The following BMAL1 variants were observed in gnomAD, a reference collection of about 807,000 sequenced individuals.
BMAL1 encodes basic helix-loop-helix ARNT-like protein 1.
the BMAL1 span, among the ~76,000 whole-genome samples, chr11:13,355,629 ACTGT>A: frequency 1.3e-5 from 2 of 152,226 alleles, no homozygotes; most frequent in South Asian, 4.1e-4. Context: ...GTCATCTGTG[ACTGT>A]CAGGCAGAGC....
At chr11:13,376,408 C>T in the BMAL1 span, 1 of 556,968 alleles carries the variant, frequency 1.8e-6, no homozygotes, top group Non-Finnish European at 3.3e-6. Context: ...ACCACCTCTG[C>T]TGAACTGTGT....
chr11:13,297,111 A>G, the BMAL1 span, among the ~76,000 whole-genome samples: 6 of 152,192 alleles, frequency 3.9e-5, no homozygotes, highest in Admixed American at 2.6e-4. Flanking sequence ...AATTTTATTA[A>G]AAAAATAAGT....
the BMAL1 span, chr11:13,381,022 C>G: frequency 1.4e-6 from 1 of 708,320 alleles, no homozygotes; most frequent in Non-Finnish European, 2.4e-6. Flanking sequence ...GCCTAGAGAG[C>G]CTACTATCTG....
the BMAL1 span, among the ~76,000 whole-genome samples, chr11:13,322,778 C>CTTT: frequency 0.02 from 1,016 of 50,368 alleles, 182 homozygotes; most frequent in East Asian, 0.056. Context: ...GTGAGCAAGT[C>CTTT]TTTTTTTTTT....
At chr11:13,327,606 C>T in the BMAL1 span, among the ~76,000 whole-genome samples, 22 of 152,330 alleles carry the variant, frequency 1.4e-4, no homozygotes, top group African/African-American at 5.1e-4. Context: ...CTGTCATTGA[C>T]TGAACAGTTT....
the BMAL1 span, among the ~76,000 whole-genome samples, chr11:13,292,754 G>C: frequency 1.6e-4 from 25 of 152,096 alleles, no homozygotes; most frequent in African/African-American, 5.5e-4. Flanking sequence ...AGTAGATAGT[G>C]GTCCAGGCCT....
At chr11:13,351,447 C>CA in the BMAL1 span, among the ~76,000 whole-genome samples, 2 of 152,178 alleles carry the variant, frequency 1.3e-5, no homozygotes, top group Non-Finnish European at 2.9e-5. Flanking sequence ...GTGAGGACGT[C>CA]AGGGAGGTGG....
chr11:13,291,800 G>A, the BMAL1 span, among the ~76,000 whole-genome samples: 440 of 12,292 alleles, frequency 0.036, 2 homozygotes, highest in Middle Eastern at 0.079. Context: ...AGGTTTAATT[G>A]ACGTGTACTC....
At chr11:13,378,347 G>A in the BMAL1 span, 60 of 1,610,116 alleles carry the variant, frequency 3.7e-5, no homozygotes, top group Non-Finnish European at 4.9e-5. Context: ...GTGGCCCAAA[G>A]AGGACCCACC....
chr11:13,315,075 G>T, the BMAL1 span, among the ~76,000 whole-genome samples: 2 of 152,102 alleles, frequency 1.3e-5, no homozygotes, highest in Non-Finnish European at 2.9e-5. Context: ...CTTTTATTTG[G>T]GGCCTCACAG....
At chr11:13,294,670 C>T in the BMAL1 span, among the ~76,000 whole-genome samples, 1 of 152,190 alleles carries the variant, frequency 6.6e-6, no homozygotes, top group Non-Finnish European at 1.5e-5. Context: ...TAACTTTCCT[C>T]CTGGAATCTG....
chr11:13,278,689 G>C, the BMAL1 span, among the ~76,000 whole-genome samples: 2 of 152,224 alleles, frequency 1.3e-5, no homozygotes, highest in Admixed American at 6.5e-5. Context: ...GGGTCTGCGG[G>C]CAGGTGCGCG....
the BMAL1 span, chr11:13,360,439 G>A: frequency 6.2e-7 from 1 of 1,605,092 alleles, no homozygotes; most frequent in Non-Finnish European, 8.5e-7. Flanking sequence ...GTTCAATTAT[G>A]GGATTGTTTT....
the BMAL1 span, chr11:13,381,299 A>G: frequency 6.3e-7 from 1 of 1,591,158 alleles, no homozygotes; most frequent in Non-Finnish European, 8.6e-7. Flanking sequence ...CCTCTTGCCC[A>G]AGATCTGAAA....
chr11:13,278,467 C>T, the BMAL1 span, among the ~76,000 whole-genome samples: 1 of 152,232 alleles, frequency 6.6e-6, no homozygotes, highest in Non-Finnish European at 1.5e-5. Flanking sequence ...CCCCGCTTCA[C>T]TTCCCTTTCG....
chr11:13,349,965 G>A, the BMAL1 span: 11 of 152,088 alleles, frequency 7.2e-5, no homozygotes, highest in South Asian at 2.1e-4. Flanking sequence ...GAAGCTGACC[G>A]CCTGAAAAGA....
the BMAL1 span, among the ~76,000 whole-genome samples, chr11:13,371,710 C>T: frequency 6.6e-6 from 1 of 152,204 alleles, no homozygotes; most frequent in Admixed American, 6.5e-5. Context: ...ACCTGCCTTT[C>T]CAATTTGCCC....
At chr11:13,358,211 A>C in the BMAL1 span, among the ~76,000 whole-genome samples, 1 of 152,244 alleles carries the variant, frequency 6.6e-6, no homozygotes, top group African/African-American at 2.4e-5. Context: ...TTTTCTCCTG[A>C]ATTCTAAAGA....
At chr11:13,381,241 C>T in the BMAL1 span, 2 of 1,613,968 alleles carry the variant, frequency 1.2e-6, no homozygotes, top group Non-Finnish European at 1.7e-6. Flanking sequence ...GCCTCTTCTC[C>T]AGGAGGCAAG....
Sources: gnomAD v4.1 joint callset for allele counts (sites outside exome capture counted in the v4.1 genomes callset) on GRCh38, gnomAD v4.1.1 for gene constraint, MANE v1.5 for transcripts, NCBI Gene and HGNC (gene_info 2026-07-23, HGNC 2026-07-21) for gene names.